CBFA2T3: variants seen among roughly 807,000 people sequenced by gnomAD.
The protein encoded by CBFA2T3 is CBFA2/RUNX1 partner transcriptional co-repressor 3.
A neutral mutation model predicts 58.6 loss-of-function variants in CBFA2T3; 31 were observed. That is an observed-to-expected ratio of 0.53 (90% confidence interval 0.40 to 0.71). The LOEUF (loss-of-function observed/expected upper bound fraction) is 0.71, where lower values mean the gene tolerates loss of function less well. Among genes scored for constraint, CBFA2T3 ranks in the 30% least tolerant of loss-of-function variants. The pLI is 0.00. For missense variants in CBFA2T3, 1,076 were observed against 963.1 expected (o/e 1.12, Z -1.55); for synonymous variants, 531 against 421.9 (o/e 1.26, Z -3.17).
chr16:88,940,654 C>T (rs1177131250), intron 1 of CBFA2T3, among the ~76,000 whole-genome samples: 1 of 152,208 alleles, frequency 6.6e-6, no homozygotes, highest in Non-Finnish European at 1.5e-5. Context: ...GACCGGCCGC[C>T]GCCACCTCTG....
chr16:88,892,606 T>A, intron 3 of CBFA2T3, 121 bp from the exon 4 acceptor site: 1 of 1,167,016 alleles, frequency 8.6e-7, no homozygotes. Context: ...GCAACAATGA[T>A]GAGACACAAG....
intron 3 of CBFA2T3, among the ~76,000 whole-genome samples, chr16:88,895,576 G>C (rs190588937): frequency 3.3e-5 from 5 of 152,110 alleles, no homozygotes; most frequent in East Asian, 3.9e-4. Flanking sequence ...AGTGGCACAG[G>C]GGGGAGGCCG....
At chr16:88,889,174 C>T (rs11639813) in intron 5 of CBFA2T3, among the ~76,000 whole-genome samples, 5,470 of 151,242 alleles carry the variant, frequency 0.036, 330 homozygotes, top group African/African-American at 0.13. Context: ...GGGCCGCTAA[C>T]GAACTGCAAA....
At position 88,881,214 on chromosome 16, in the gene CBFA2T3, C is replaced by A. The variant is rs113129652; in HGVS notation, c.1402+77G>T. The A allele has an allele frequency of 4.1e-5, 54 of 1,302,816 alleles. No individual in the cohort carries two copies. The African/African-American group carries it at 6.4e-4, about 15-fold the overall frequency. The allele number at this position is 1,302,816 out of a possible 1,614,324, so 80.7% of individuals were successfully genotyped here. A position where few individuals can be genotyped will look rare whatever the true frequency, so the allele number is the denominator to read the frequency against. On this transcript the variant is annotated intron_variant, in intron 9 of 11. Transcript: ENST00000268679. ...TTCTGCCTGGTGTTTCGTTGCATTG[C>A]CTGCCTGACAGCTCCCAGGTGTCCG...
chr16:88,907,108 C>G (rs1265131657), intron 1 of CBFA2T3, among the ~76,000 whole-genome samples: 1 of 152,184 alleles, frequency 6.6e-6, no homozygotes, highest in African/African-American at 2.4e-5. Context: ...AACGAGGCCT[C>G]CAGCATCCCT....
rs368158620 is a variant in CBFA2T3, at chr16:88,892,297, C to T, written c.568G>A (p.Asp190Asn). 3.0e-5 allele frequency: 48 copies of T among 1,612,720 alleles called. No homozygotes were observed. In the African/African-American group the frequency reaches 3.6e-4, roughly 12 times the overall value. The change falls in exon 4 of 12, where the codon GAC (aspartate) becomes AAC (asparagine). Residue 190 changes from aspartate (D) to asparagine (N), a missense_variant. Transcript: ENST00000268679. ...CGCTCCCCAATCTCTGGGGAGATGT[C>T]GCTGCCAAACTGCTGCAGTGTGGTG... is the stretch of plus-strand genomic sequence containing the variant. ...FLTTLQQFGS[D>N]ISPEIGERVR...
intron 1 of CBFA2T3, among the ~76,000 whole-genome samples, chr16:88,954,425 G>GCTCCTGATCCCACCCACGC (rs1972161614): frequency 7.3e-6 from 1 of 136,918 alleles, no homozygotes; most frequent in African/African-American, 3.1e-5. Flanking sequence ...CCCACCCAAG[G>GCTCCTGATCCCACCCACGC]CTCCTGACCC....
At chr16:88,967,744 G>A (rs1329332590) in intron 1 of CBFA2T3, among the ~76,000 whole-genome samples, 1 of 151,996 alleles carries the variant, frequency 6.6e-6, no homozygotes, top group East Asian at 2.0e-4. Context: ...CAGGGGTGAG[G>A]GTCAGGCGCA....
intron 1 of CBFA2T3, among the ~76,000 whole-genome samples, chr16:88,920,087 T>G (rs538450279): frequency 6.6e-6 from 1 of 152,178 alleles, no homozygotes; most frequent in Non-Finnish European, 1.5e-5. Flanking sequence ...CTTCCCCAGA[T>G]AGTGAAAGGG....
Position 88,882,778 on chromosome 16 carries a change from T to A in CBFA2T3, c.1118-17A>T, listed in dbSNP as rs1433558812. The stretch of plus-strand genomic sequence containing the variant: ...CAGGCACCACTGTGGATGGGGGAGG[T>A]GCACGCTTAGGTCCCACCCACAGCC... On this transcript the variant is annotated splice_polypyrimidine_tract_variant and intron_variant, in intron 7 of 11. Coordinates refer to ENST00000268679, the MANE Select transcript of CBFA2T3 (RefSeq NM_005187.6). 2.0e-6 allele frequency: 3 copies of A among 1,526,764 alleles called. No homozygotes were observed. The highest frequency in any genetic ancestry group is 2.4e-5 in the South Asian group (2 of 84,350). The allele number at this position is 1,526,764 out of a possible 1,614,324, so 94.6% of individuals were successfully genotyped here. A position where few individuals can be genotyped will look rare whatever the true frequency, so the allele number is the denominator to read the frequency against.
intron 1 of CBFA2T3, among the ~76,000 whole-genome samples, chr16:88,911,547 C>T (rs1970531979): frequency 6.6e-6 from 1 of 152,270 alleles, no homozygotes; most frequent in East Asian, 1.9e-4. Context: ...GGCGCCCTCT[C>T]CCTGCAGGAA....
In CBFA2T3 at chr16:88,885,748, C is replaced by G. The variant is rs142648025; in HGVS notation, c.893+213G>C. 2.1e-5 allele frequency: 12 copies of G among 570,256 alleles called. No individual in the cohort carries two copies. The highest frequency in any genetic ancestry group is 3.7e-5 in the Non-Finnish European group (12 of 320,696). 35.3% of individuals were successfully genotyped at this position (570,256 alleles called of 1,614,324 possible). ...CTCCTCCCTGTCCTCCTAGGCTCCC[C>G]GGAGCATCTGAGTCTGCAGCCCACT... On this transcript the variant is annotated intron_variant, in intron 6 of 11. Transcript: ENST00000268679. This position sits in a 1 kb window ranked among gnomAD's most constrained non-coding sequence, Gnocchi z 5.3.
chr16:88,970,564 G>A (rs1473407858), intron 1 of CBFA2T3, among the ~76,000 whole-genome samples: 2 of 152,230 alleles, frequency 1.3e-5, no homozygotes, highest in African/African-American at 2.4e-5. Context: ...AAGTGTTGCC[G>A]GGTGAAAGCC....
intron 1 of CBFA2T3, among the ~76,000 whole-genome samples, chr16:88,969,040 G>A (rs914650395): frequency 5.3e-5 from 8 of 152,208 alleles, no homozygotes; most frequent in Middle Eastern, 3.2e-3. Flanking sequence ...CCCAGTGTGC[G>A]GCCTGGTGCC....
At chr16:88,975,661 G>A (rs751830943) in intron 1 of CBFA2T3, among the ~76,000 whole-genome samples, 24 of 152,278 alleles carry the variant, frequency 1.6e-4, no homozygotes, top group Admixed American at 4.6e-4. Context: ...GGTGAGGTCC[G>A]GCCTTTGCAT....
intron 3 of CBFA2T3, among the ~76,000 whole-genome samples, chr16:88,894,230 A>ACG: frequency 1.0e-5 from 1 of 96,440 alleles, no homozygotes; most frequent in East Asian, 2.9e-4. Flanking sequence ...ACACATGCAC[A>ACG]CACACATGCA....
chr16:88,973,255 G>C (rs1972702559), intron 1 of CBFA2T3, among the ~76,000 whole-genome samples: 1 of 152,228 alleles, frequency 6.6e-6, no homozygotes, highest in South Asian at 2.1e-4. Flanking sequence ...GGTGGGCTGG[G>C]CCTTAGAAGA....
At chr16:88,887,645 C>T (rs937963179) in intron 5 of CBFA2T3, among the ~76,000 whole-genome samples, 3 of 152,088 alleles carry the variant, frequency 2.0e-5, no homozygotes, top group South Asian at 2.1e-4. Context: ...TCAAGGCCTG[C>T]GGAATGGGGT....
intron 1 of CBFA2T3, among the ~76,000 whole-genome samples, chr16:88,932,791 CAAAAAAAAA>C (rs576934029): frequency 2.2e-4 from 6 of 27,852 alleles, no homozygotes; most frequent in Non-Finnish European, 3.8e-4. Flanking sequence ...ACTAAAAATA[CAAAAAAAAA>C]AAAAAAAAAA....
Sources: gnomAD v4.1 joint callset for allele counts (sites outside exome capture counted in the v4.1 genomes callset) on GRCh38, gnomAD v4.1.1 for gene constraint, Gnocchi (gnomAD v3.1) non-coding constraint, MANE v1.5 for transcripts, NCBI Gene and HGNC (gene_info 2026-07-23, HGNC 2026-07-21) for gene names.